Variants in WDR49 observed in about 807,000 individuals in gnomAD.
WDR49 encodes the protein cilia- and flagella-associated protein 337.
A neutral mutation model predicts 119.5 loss-of-function variants in WDR49; 107 were observed. The observed-to-expected ratio is 0.90, with a 90% confidence interval of 0.77 to 1.05. The LOEUF is 1.05. WDR49 is among the 50% of genes least tolerant of loss of function. WDR49 has a pLI of 0.00. For synonymous variants in WDR49, 425 were observed against 418.8 expected, an observed-to-expected ratio of 1.01 and a Z score of -0.18; for missense variants, 1,240 against 1,220.5, an observed-to-expected ratio of 1.02 and a Z score of -0.24.
chr3:167,656,017 G>A (rs975556625), upstream of WDR49, among the ~76,000 whole-genome samples: 7 of 152,100 alleles, frequency 4.6e-5, no homozygotes, highest in Non-Finnish European at 7.4e-5. Context: ...GCAATTATCC[G>A]TCTAGCTCAT....
chr3:167,641,062 C>T (rs149096201), intron 2 of WDR49, among the ~76,000 whole-genome samples: 2,225 of 151,948 alleles, frequency 0.015, 57 homozygotes, highest in African/African-American at 0.05. Flanking sequence ...ATGTGTTAAT[C>T]TGATAGAGAA....
rs547560541 is a variant in WDR49, at chr3:167,557,752, C to CAAA, written c.1674+2309_1674+2311dup. Among the ~76,000 whole-genome samples the CAAA allele has an allele frequency of 1.4e-3, 145 of 106,050 alleles. 5 individuals carry two copies. The highest frequency in any genetic ancestry group is 4.1e-3 in the African/African-American group (116 of 28,512). 69.6% of individuals were successfully genotyped at this position (106,050 alleles called of 152,430 possible). On this transcript the variant is annotated intron_variant, in intron 9 of 18. Transcript: ENST00000682715. Reference sequence around the variant, plus strand: ...TGGGCAACAGAGCGAGACTCCGTCTCAAAAAAAAAAAAAAAATCAGGATAA... The same window carrying CAAA: ...TGGGCAACAGAGCGAGACTCCGTCTCAAAAAAAAAAAAAAAAAAATCAGGATAA...
chr3:167,538,039 T>C (rs936115035), intron 10 of WDR49, among the ~76,000 whole-genome samples: 2 of 152,132 alleles, frequency 1.3e-5, no homozygotes, highest in African/African-American at 4.8e-5. Context: ...TCACCCTTTT[T>C]AACATGTGGT....
chr3:167,560,763 A>G (rs1319323338), intron 8 of WDR49, among the ~76,000 whole-genome samples: 1 of 150,414 alleles, frequency 6.6e-6, no homozygotes, highest in Non-Finnish European at 1.5e-5. Context: ...TTATAGCTAA[A>G]CACAATTATT....
intron 7 of WDR49, among the ~76,000 whole-genome samples, chr3:167,595,642 G>C (rs1715385160): frequency 6.6e-6 from 1 of 152,180 alleles, no homozygotes; most frequent in Non-Finnish European, 1.5e-5. Flanking sequence ...TTAATAAATG[G>C]TGCTGGGGAA....
At chr3:167,602,755 C>T (rs1715843481) in intron 6 of WDR49, among the ~76,000 whole-genome samples, 1 of 152,108 alleles carries the variant, frequency 6.6e-6, no homozygotes, top group Non-Finnish European at 1.5e-5. Context: ...TACAGTCATG[C>T]ATTTCATAAC....
chr3:167,633,241 C>T (rs1717455289), intron 2 of WDR49, among the ~76,000 whole-genome samples: 1 of 151,936 alleles, frequency 6.6e-6, no homozygotes, highest in African/African-American at 2.4e-5. Flanking sequence ...GGAGACTGTA[C>T]CAGCAGAATG....
At chr3:167,617,727 A>C (rs997761828) in intron 5 of WDR49, among the ~76,000 whole-genome samples, 1 of 152,138 alleles carries the variant, frequency 6.6e-6, no homozygotes, top group Admixed American at 6.5e-5. Context: ...GGAAAGTTTT[A>C]TAAGACGTCC....
At chr3:167,488,110 A>G (rs1750992038) in intron 18 of WDR49, among the ~76,000 whole-genome samples, 1 of 150,928 alleles carries the variant, frequency 6.6e-6, no homozygotes, top group Admixed American at 6.7e-5. Context: ...GTACTCATCA[A>G]TGATGGATTG....
At chr3:167,545,509 T>TATATATATATATATATATATATATA (rs535132359) in intron 10 of WDR49, among the ~76,000 whole-genome samples, 1,483 of 106,254 alleles carry the variant, frequency 0.014, 64 homozygotes, top group Non-Finnish European at 0.022. Context: ...ATATTATATA[T>TATATATATATATATATATATATATA]TATATATATA....
chr3:167,623,052 T>C (rs1395516330), intron 3 of WDR49, among the ~76,000 whole-genome samples: 2 of 151,756 alleles, frequency 1.3e-5, no homozygotes, highest in Non-Finnish European at 2.9e-5. Flanking sequence ...TCAAAAAAAG[T>C]GTCACAAAGA....
chr3:167,542,423 G>A (rs1446971839), intron 10 of WDR49, among the ~76,000 whole-genome samples: 2 of 151,972 alleles, frequency 1.3e-5, no homozygotes, highest in Non-Finnish European at 2.9e-5. Flanking sequence ...GAAAATTGAA[G>A]TTATATCAAG....
intron 10 of WDR49, among the ~76,000 whole-genome samples, chr3:167,546,032 T>C (rs1010201329): frequency 2.0e-5 from 3 of 151,900 alleles, no homozygotes; most frequent in African/African-American, 7.2e-5. Flanking sequence ...TTTTCTCTTT[T>C]CCTACTGGTA....
At position 167,631,857 on chromosome 3, in the gene WDR49, G is replaced by A. The variant is rs559990362; in HGVS notation, c.166-4565C>T. Among the ~76,000 whole-genome samples the A allele has an allele frequency of 1.2e-4, 18 of 152,198 alleles. 1 individual carries two copies. Among genetic ancestry groups the A allele is most frequent in the African/African-American group, 4.1e-4 (17 of 41,546 alleles). On this transcript the variant is annotated intron_variant, in intron 2 of 18. Coordinates refer to ENST00000682715, the MANE Select transcript of WDR49 (RefSeq NM_001366157.1). ...TATGAAGATTAGCTGAAATAACAGA[G>A]GTTAGTTTAATGGAGGTTAGTCCGG...
chr3:167,650,781 T>C (rs1206603827), intron 2 of WDR49, among the ~76,000 whole-genome samples: 1 of 152,236 alleles, frequency 6.6e-6, no homozygotes, highest in African/African-American at 2.4e-5. Context: ...TTATCTAATG[T>C]TAATTGAGCA....
intron 15 of WDR49, among the ~76,000 whole-genome samples, chr3:167,525,700 T>G (rs1752605737): frequency 6.6e-6 from 1 of 152,138 alleles, no homozygotes; most frequent in Non-Finnish European, 1.5e-5. Context: ...AACATGCATT[T>G]ATGAATAAAT....
intron 7 of WDR49, among the ~76,000 whole-genome samples, chr3:167,594,927 T>G (rs1458885654): frequency 1.5e-4 from 23 of 150,708 alleles, no homozygotes; most frequent in Non-Finnish European, 2.4e-4. Flanking sequence ...GAAGTCAAAT[T>G]GTCCCTCTTT....
intron 8 of WDR49, among the ~76,000 whole-genome samples, chr3:167,561,493 C>T (rs1424368697): frequency 1.3e-5 from 2 of 152,080 alleles, no homozygotes; most frequent in African/African-American, 2.4e-5. Flanking sequence ...AAGAAACAGA[C>T]AAGAAACAGA....
intron 8 of WDR49, among the ~76,000 whole-genome samples, chr3:167,567,179 A>C (rs1469189814): frequency 6.6e-6 from 1 of 152,230 alleles, no homozygotes; most frequent in East Asian, 1.9e-4. Flanking sequence ...TTGAATAATC[A>C]GAACGCTTCT....
Sources: allele counts gnomAD v4.1 joint callset (sites outside exome capture counted in the v4.1 genomes callset), GRCh38; gene constraint gnomAD v4.1.1; transcripts MANE v1.5; gene names NCBI Gene and HGNC (gene_info 2026-07-23, HGNC 2026-07-21).